SOX6: variants seen among roughly 807,000 people sequenced by gnomAD.
SOX6 encodes transcription factor SOX-6.
SOX6 carries 11 observed loss-of-function variants against 97.8 expected under a neutral mutation model. That is an observed-to-expected ratio of 0.11 (90% confidence interval 0.07 to 0.19). SOX6 has a LOEUF of 0.19. SOX6 is among the 10% of genes least tolerant of loss of function. The pLI, the probability that SOX6 is intolerant of heterozygous loss-of-function variation, is 1.00. For synonymous variants in SOX6, 360 were observed against 371.4 expected, an observed-to-expected ratio of 0.97 and a Z score of 0.35; for missense variants, 810 against 1,039.5, an observed-to-expected ratio of 0.78 and a Z score of 3.04.
At chr11:16,721,560 C>CTCCT (rs1848265004) in intron 2 of SOX6, among the ~76,000 whole-genome samples, 1 of 16,058 alleles carries the variant, frequency 6.2e-5, no homozygotes, top group Non-Finnish European at 1.4e-4. Flanking sequence ...CTTCCCCCCC[C>CTCCT]TCCCTCCCTC....
At chr11:16,516,157 A>T (rs2133156259) in intron 4 of SOX6, among the ~76,000 whole-genome samples, 1 of 149,562 alleles carries the variant, frequency 6.7e-6, no homozygotes, top group South Asian at 2.2e-4. Flanking sequence ...CATTTTCATG[A>T]TATTGATTCT....
chr11:16,615,314 G>C (rs1848458100), intron 3 of SOX6, among the ~76,000 whole-genome samples: 2 of 152,314 alleles, frequency 1.3e-5, no homozygotes, highest in South Asian at 4.1e-4. Flanking sequence ...AATGTCCTGA[G>C]AGCCTTAACT....
rs113492155 is a variant in SOX6, at chr11:16,128,920, G to C, written c.778-16997C>G. On this transcript the variant is annotated intron_variant, in intron 6 of 15. Coordinates refer to ENST00000683767, the MANE Select transcript of SOX6 (RefSeq NM_001367873.1). ...TTGTTGCCCAGGCAGGAGTGCAATA[G>C]CGCAATCTCGGCTCACCGCAACCTC... Among the ~76,000 whole-genome samples the C allele has an allele frequency of 3.2e-3, 489 of 152,176 alleles. 1 individual carries two copies. Among genetic ancestry groups the C allele is most frequent in the Non-Finnish European group, 4.9e-3 (332 of 68,022 alleles).
chr11:16,047,701 C>CGTGTGTGTGTGTGTGT (rs68008241), intron 11 of SOX6, among the ~76,000 whole-genome samples: 1 of 145,922 alleles, frequency 6.9e-6, no homozygotes, highest in African/African-American at 2.5e-5. Flanking sequence ...CATTTCATAG[C>CGTGTGTGTGTGTGTGT]GTGTGTGTGT....
chr11:16,685,868 A>G (rs1847965494), intron 3 of SOX6, among the ~76,000 whole-genome samples: 1 of 152,248 alleles, frequency 6.6e-6, no homozygotes, highest in African/African-American at 2.4e-5. Flanking sequence ...ATTCTCTGAA[A>G]TCTTGGTGGA....
At chr11:16,227,100 A>T (rs547130931) in intron 4 of SOX6, among the ~76,000 whole-genome samples, 2 of 152,160 alleles carry the variant, frequency 1.3e-5, no homozygotes, top group Non-Finnish European at 2.9e-5. Context: ...AATATTTTCC[A>T]CACTGGATTG....
intron 4 of SOX6, among the ~76,000 whole-genome samples, chr11:16,532,728 G>C (rs779105203): frequency 2.0e-5 from 3 of 151,870 alleles, no homozygotes; most frequent in Non-Finnish European, 4.4e-5. Flanking sequence ...TCTGGTCTCA[G>C]TGATATAATG....
intron 13 of SOX6, among the ~76,000 whole-genome samples, chr11:16,006,808 T>TA (rs758279979): frequency 1.2e-4 from 18 of 152,136 alleles, no homozygotes; most frequent in Middle Eastern, 3.4e-3. Context: ...CTATATTTTT[T>TA]AAAAAACCTT....
chr11:16,182,513 T>C (rs1851371872), intron 6 of SOX6, among the ~76,000 whole-genome samples: 1 of 151,840 alleles, frequency 6.6e-6, no homozygotes, highest in Admixed American at 6.6e-5. Context: ...GACAGTTATT[T>C]AATTAAGGGT....
chr11:16,073,659 C>T (rs1029721249), intron 9 of SOX6, among the ~76,000 whole-genome samples: 1 of 152,066 alleles, frequency 6.6e-6, no homozygotes, highest in East Asian at 1.9e-4. Flanking sequence ...CTGTACATGG[C>T]AGATATGCTA....
chr11:16,582,549 A>T (rs1470103606), intron 4 of SOX6, among the ~76,000 whole-genome samples: 1 of 152,172 alleles, frequency 6.6e-6, no homozygotes, highest in Non-Finnish European at 1.5e-5. Flanking sequence ...GCTAAATGTT[A>T]GCATGCTCAA....
chr11:16,061,303 C>CAAAAAA (rs67980023), intron 9 of SOX6, among the ~76,000 whole-genome samples: 1 of 121,324 alleles, frequency 8.2e-6, no homozygotes, highest in African/African-American at 3.2e-5. Context: ...ACAATAGCTA[C>CAAAAAA]AAAAAAAAAA....
chr11:16,496,851 T>A (rs1280236918), intron 4 of SOX6, among the ~76,000 whole-genome samples: 1 of 152,138 alleles, frequency 6.6e-6, no homozygotes, highest in Non-Finnish European at 1.5e-5. Flanking sequence ...CCACCGCAGG[T>A]CAAGGAGGCC....
At chr11:16,340,583 C>T (rs1052455401) in intron 2 of SOX6, among the ~76,000 whole-genome samples, 2 of 151,950 alleles carry the variant, frequency 1.3e-5, no homozygotes, top group Non-Finnish European at 2.9e-5. Flanking sequence ...GTGATAAATA[C>T]CTGCATTTTC....
chr11:16,077,249 T>C (rs1848376043), intron 9 of SOX6, among the ~76,000 whole-genome samples: 1 of 152,070 alleles, frequency 6.6e-6, no homozygotes. Context: ...AGAAATGCAT[T>C]AGAAAAATGC....
rs529663636 is a variant in SOX6 at position 16,052,178 on chromosome 11, C to A, written c.1252-2240G>T. On this transcript the variant is annotated intron_variant, in intron 10 of 15. Transcript: ENST00000683767. Reference sequence around the variant, plus strand: ...ATAATTCAGTAATTGCCACTTTAACCAATAATACCACTGGGCATGGCTATC... The same window carrying A: ...ATAATTCAGTAATTGCCACTTTAACAAATAATACCACTGGGCATGGCTATC... Among the ~76,000 whole-genome samples the A allele has an allele frequency of 3.9e-5, 6 of 152,120 alleles. No individual in the cohort carries two copies. In the South Asian group the frequency reaches 1.2e-3, roughly 32 times the overall value.
intron 13 of SOX6, among the ~76,000 whole-genome samples, chr11:16,007,369 C>T (rs999648447): frequency 1.3e-5 from 2 of 152,014 alleles, no homozygotes; most frequent in African/African-American, 2.4e-5. Context: ...TATAGGACCA[C>T]CATCATATAT....
chr11:16,188,517 A>G (rs2134109039), intron 4 of SOX6, among the ~76,000 whole-genome samples: 1 of 152,322 alleles, frequency 6.6e-6, no homozygotes, highest in South Asian at 2.1e-4. Flanking sequence ...AGGTTCCCAA[A>G]AAGAATCATA....
intron 2 of SOX6, among the ~76,000 whole-genome samples, chr11:16,722,913 T>G (rs1848278088): frequency 6.6e-6 from 1 of 152,164 alleles, no homozygotes; most frequent in South Asian, 2.1e-4. Context: ...TGAAAAGCAG[T>G]ATGGCAATTC....
Sources: allele counts gnomAD v4.1 joint callset (sites outside exome capture counted in the v4.1 genomes callset), GRCh38; gene constraint gnomAD v4.1.1; transcripts MANE v1.5; gene names NCBI Gene and HGNC (gene_info 2026-07-23, HGNC 2026-07-21).